Variants in PTPN11 observed in about 807,000 individuals in gnomAD.
The protein encoded by PTPN11 is protein tyrosine phosphatase non-receptor type 11.
Under a neutral mutation model 78.8 loss-of-function variants are expected in PTPN11, and 6 were observed. The observed-to-expected ratio is 0.08, with a 90% confidence interval of 0.04 to 0.15. The LOEUF is 0.15. Among genes scored for constraint, PTPN11 ranks in the 10% least tolerant of loss-of-function variants. The pLI is 1.00. For synonymous variants in PTPN11, 221 were observed against 263.5 expected (o/e 0.84, Z 1.56); for missense variants, 386 against 744.8 (o/e 0.52, Z 5.61).
At chr12:112,453,854 T>C (rs1469443539) in intron 4 of PTPN11, among the ~76,000 whole-genome samples, 1 of 151,886 alleles carries the variant, frequency 6.6e-6, no homozygotes, top group East Asian at 1.9e-4. Flanking sequence ...TTTGCCGCAT[T>C]GCCCAGTGTG....
rs114906931 is a variant in PTPN11, at chr12:112,441,007, A to G, written c.15-5269A>G. Among the ~76,000 whole-genome samples the G allele has an allele frequency of 8.4e-3, 1,140 of 135,136 alleles. 16 individuals carry two copies. Among genetic ancestry groups the G allele is most frequent in the African/African-American group, 0.029 (1,049 of 35,726 alleles). The allele number at this position is 135,136 out of a possible 152,430, so 88.7% of individuals were successfully genotyped here. A position where few individuals can be genotyped will look rare whatever the true frequency, so the allele number is the denominator to read the frequency against. On this transcript the variant is annotated intron_variant, in intron 1 of 15. Transcript: ENST00000351677. Reference sequence around the variant, plus strand: ...GAGATGGAGTTTTGCGTTGTTGCCCAGGCTAGAGTGCAGTGGTGGCGATCT... The same window carrying G: ...GAGATGGAGTTTTGCGTTGTTGCCCGGGCTAGAGTGCAGTGGTGGCGATCT...
intron 1 of PTPN11, among the ~76,000 whole-genome samples, chr12:112,419,347 TC>T (rs954918321): frequency 2.6e-5 from 4 of 152,080 alleles, no homozygotes; most frequent in African/African-American, 9.7e-5. Context: ...CTCCCCGAGT[TC>T]CGGCTGCGGC....
chr12:112,424,592 G>T (rs925007704), intron 1 of PTPN11, among the ~76,000 whole-genome samples: 2 of 152,052 alleles, frequency 1.3e-5, no homozygotes, highest in African/African-American at 4.8e-5. Flanking sequence ...TTTGTTTATT[G>T]CCTTGTCATC....
At chr12:112,420,621 C>T (rs1226200261) in intron 1 of PTPN11, among the ~76,000 whole-genome samples, 3 of 152,124 alleles carry the variant, frequency 2.0e-5, no homozygotes, top group Admixed American at 6.5e-5. Context: ...GAATTACAGG[C>T]GTGAGCCACC....
In PTPN11 at chr12:112,505,875, G is replaced by C. The variant is rs765423442; in HGVS notation, c.*83G>C. 4.5e-5 allele frequency: 7 copies of C among 155,196 alleles called. No homozygotes were observed. Among genetic ancestry groups the C allele is most frequent in the Non-Finnish European group, 1.0e-4 (7 of 68,034 alleles). The allele number at this position is 155,196 out of a possible 1,614,324, so 9.6% of individuals were successfully genotyped here. On this transcript the variant is annotated 3_prime_UTR_variant, in exon 16 of 16. Transcript: ENST00000351677. Reference sequence around the variant, plus strand: ...AAAGATCAAGAACAGACGCAAGAAAGTTTATGTGAAGACAGAATTTGGATT... The same window carrying C: ...AAAGATCAAGAACAGACGCAAGAAACTTTATGTGAAGACAGAATTTGGATT...
chr12:112,462,537 CAA>C (rs1566173707), intron 6 of PTPN11, among the ~76,000 whole-genome samples: 1 of 152,064 alleles, frequency 6.6e-6, no homozygotes, highest in African/African-American at 2.4e-5. Context: ...ATTGAAAAAA[CAA>C]AGTGTATTCA....
At chr12:112,423,678 G>A (rs2037559243) in intron 1 of PTPN11, among the ~76,000 whole-genome samples, 1 of 149,660 alleles carries the variant, frequency 6.7e-6, no homozygotes, top group African/African-American at 2.5e-5. Flanking sequence ...AATACACATT[G>A]TATGTGTTTC....
chr12:112,452,246 GA>G (rs2038089225), intron 3 of PTPN11, among the ~76,000 whole-genome samples: 1 of 150,152 alleles, frequency 6.7e-6, no homozygotes, highest in Non-Finnish European at 1.5e-5. Context: ...TATTTTTTTT[GA>G]GATGGAGTTT....
chr12:112,445,299 T>A (rs2037975743), intron 1 of PTPN11, among the ~76,000 whole-genome samples: 2 of 151,878 alleles, frequency 1.3e-5, no homozygotes, highest in South Asian at 4.2e-4. Context: ...GCCCACCTAA[T>A]TTTTGTATTT....
At chr12:112,501,952 C>T (rs1248568410) in intron 13 of PTPN11, among the ~76,000 whole-genome samples, 192 bp from the exon 14 acceptor site, 1 of 152,178 alleles carries the variant, frequency 6.6e-6, no homozygotes, top group Non-Finnish European at 1.5e-5. Context: ...GTACTTTTCA[C>T]TCCTACTGTG....
At chr12:112,480,246 T>C (rs1009157913) in intron 9 of PTPN11, among the ~76,000 whole-genome samples, 1 of 152,152 alleles carries the variant, frequency 6.6e-6, no homozygotes, top group African/African-American at 2.4e-5. Flanking sequence ...CAATTAATAT[T>C]AGGAGTGCTC....
At chr12:112,422,588 C>A (rs2037539900) in intron 1 of PTPN11, among the ~76,000 whole-genome samples, 1 of 152,206 alleles carries the variant, frequency 6.6e-6, no homozygotes, top group Non-Finnish European at 1.5e-5. Context: ...TCTTGCAGGT[C>A]AAGTACATTT....
At chr12:112,505,511 C>T (rs2038921619) in intron 15 of PTPN11, among the ~76,000 whole-genome samples, 1 of 151,798 alleles carries the variant, frequency 6.6e-6, no homozygotes, top group East Asian at 1.9e-4. Context: ...CCCGTCTCTA[C>T]TAAAAATAGA....
At chr12:112,424,867 TTGTGTG>T (rs567490227) in intron 1 of PTPN11, among the ~76,000 whole-genome samples, 1 of 135,082 alleles carries the variant, frequency 7.4e-6, no homozygotes, top group African/African-American at 2.9e-5. Flanking sequence ...GTCAGGCTAA[TTGTGTG>T]TGTGTGTGTG....
At chr12:112,461,660 G>A (rs2038250680) in intron 6 of PTPN11, among the ~76,000 whole-genome samples, 1 of 152,074 alleles carries the variant, frequency 6.6e-6, no homozygotes, top group African/African-American at 2.4e-5. Flanking sequence ...TAGAGATGTG[G>A]TCGTATTATG....
chr12:112,469,907 T>G (rs2038387750), intron 6 of PTPN11, among the ~76,000 whole-genome samples: 2 of 151,902 alleles, frequency 1.3e-5, no homozygotes, highest in South Asian at 4.1e-4. Flanking sequence ...TATGCAGAGA[T>G]GCCAAAGCAT....
intron 13 of PTPN11, among the ~76,000 whole-genome samples, chr12:112,496,643 CT>C (rs1169972073): frequency 6.6e-6 from 1 of 152,202 alleles, no homozygotes; most frequent in Admixed American, 6.5e-5. Context: ...TTATTTGTGA[CT>C]TCTTTCTCTA....
chr12:112,442,840 A>G (rs1210449464), intron 1 of PTPN11, among the ~76,000 whole-genome samples: 1 of 48,484 alleles, frequency 2.1e-5, no homozygotes, highest in African/African-American at 1.2e-4. Context: ...TTATATATAT[A>G]TATATATATA....
intron 6 of PTPN11, among the ~76,000 whole-genome samples, chr12:112,462,713 A>G (rs1406925714): frequency 6.6e-6 from 1 of 152,190 alleles, no homozygotes; most frequent in Non-Finnish European, 1.5e-5. Flanking sequence ...TTGCTTTTTT[A>G]AATATCCTGG....
Sources: allele counts gnomAD v4.1 joint callset (sites outside exome capture counted in the v4.1 genomes callset), GRCh38; gene constraint gnomAD v4.1.1; transcripts MANE v1.5; gene names NCBI Gene and HGNC (gene_info 2026-07-23, HGNC 2026-07-21).